The following GRID2 variants were observed in gnomAD, a reference collection of about 807,000 sequenced individuals.
The protein encoded by GRID2 is glutamate ionotropic receptor delta type subunit 2.
In GRID2, 33 loss-of-function variants were observed where a neutral mutation model predicts 114.8. That is an observed-to-expected ratio of 0.29 (90% CI 0.22 to 0.38). The LOEUF (loss-of-function observed/expected upper bound fraction) is 0.38. Ranked by LOEUF, GRID2 falls within the 10% of genes least tolerant of loss-of-function variation. GRID2 has a pLI of 1.00. For missense variants in GRID2, 1,184 were observed against 1,257.7 expected (o/e 0.94, Z 0.89); for synonymous variants, 505 against 449.9 (o/e 1.12, Z -1.55).
chr4:92,482,026 A>ATATG (rs1722636280), intron 1 of GRID2, among the ~76,000 whole-genome samples: 1 of 69,624 alleles, frequency 1.4e-5, no homozygotes, highest in Non-Finnish European at 3.1e-5. Flanking sequence ...ATATATATAT[A>ATATG]TATATATAAA....
intron 2 of GRID2, among the ~76,000 whole-genome samples, chr4:93,030,656 A>T (rs1724329182): frequency 6.6e-6 from 1 of 152,152 alleles, no homozygotes; most frequent in Non-Finnish European, 1.5e-5. Flanking sequence ...AAGTGCGGGG[A>T]TTACAGGTGT....
chr4:93,334,080 C>T (rs1027110869), intron 8 of GRID2, among the ~76,000 whole-genome samples: 1 of 152,164 alleles, frequency 6.6e-6, no homozygotes, highest in Non-Finnish European at 1.5e-5. Flanking sequence ...CATATTGCCA[C>T]ATAATGTCTT....
chr4:93,314,592 T>C (rs143948792), intron 8 of GRID2, among the ~76,000 whole-genome samples: 16 of 152,250 alleles, frequency 1.1e-4, no homozygotes, highest in Middle Eastern at 3.4e-3. Flanking sequence ...CCTTGAAGTT[T>C]ATCTTATTAA....
intron 1 of GRID2, among the ~76,000 whole-genome samples, chr4:92,307,318 A>G (rs1725458086): frequency 6.6e-6 from 1 of 152,024 alleles, no homozygotes; most frequent in Non-Finnish European, 1.5e-5. Flanking sequence ...GAAAGGGAAT[A>G]TTTCACCTCT....
At chr4:93,425,145 C>T (rs1039142984) in intron 10 of GRID2, among the ~76,000 whole-genome samples, 1 of 152,094 alleles carries the variant, frequency 6.6e-6, no homozygotes, top group Non-Finnish European at 1.5e-5. Context: ...AACATCTTAT[C>T]ATCTCAGAAT....
intron 1 of GRID2, among the ~76,000 whole-genome samples, chr4:92,456,161 GAA>G (rs113019215): frequency 2.1e-5 from 3 of 145,202 alleles, no homozygotes; most frequent in Admixed American, 6.9e-5. Context: ...AGCTTTCCCA[GAA>G]AAAAAAAAAT....
chr4:92,971,413 T>C (rs1432270610), intron 2 of GRID2, among the ~76,000 whole-genome samples: 2 of 152,012 alleles, frequency 1.3e-5, no homozygotes, highest in Admixed American at 1.3e-4. Flanking sequence ...TTTTTTTCCT[T>C]TTATTTTTAG....
At chr4:93,555,002 G>A (rs1734168159) in intron 13 of GRID2, among the ~76,000 whole-genome samples, 1 of 152,152 alleles carries the variant, frequency 6.6e-6, no homozygotes. Flanking sequence ...GGAAACACAA[G>A]AGATCGGAGA....
intron 8 of GRID2, among the ~76,000 whole-genome samples, chr4:93,361,057 C>T (rs1579816441): frequency 6.6e-6 from 1 of 151,380 alleles, no homozygotes; most frequent in African/African-American, 2.4e-5. Context: ...ATACTGGCTT[C>T]TTTTTTCTTT....
chr4:93,465,830 A>G (rs1363634814), intron 11 of GRID2, among the ~76,000 whole-genome samples: 3 of 152,248 alleles, frequency 2.0e-5, no homozygotes, highest in South Asian at 4.1e-4. Context: ...ATATGCTAAT[A>G]AACTCACAAT....
chr4:92,507,127 T>C lies in GRID2; in HGVS notation c.89-83004T>C, dbSNP rs557593501. ...ATGTGTTAATTTATTACAATCTGGC[T>C]TCCTTCTATCCCCAGCATTTTGATG... On this transcript the variant is annotated intron_variant, in intron 1 of 15. Coordinates refer to ENST00000282020, the MANE Select transcript of GRID2 (RefSeq NM_001510.4). Among the ~76,000 whole-genome samples, 6 of 152,088 alleles carry C rather than the reference T, an allele frequency of 3.9e-5. No individual in the cohort carries two copies. In the South Asian group the frequency reaches 1.2e-3, roughly 32 times the overall value.
chr4:92,742,755 G>A (rs1736954346), intron 2 of GRID2, among the ~76,000 whole-genome samples: 2 of 152,078 alleles, frequency 1.3e-5, no homozygotes, highest in South Asian at 4.1e-4. Flanking sequence ...CATCCTCACA[G>A]CAACCTTTCT....
chr4:93,304,026 T>G (rs976064482), intron 8 of GRID2, among the ~76,000 whole-genome samples: 1 of 151,826 alleles, frequency 6.6e-6, no homozygotes, highest in African/African-American at 2.4e-5. Flanking sequence ...AACCTCAGAA[T>G]TATTATTAAA....
intron 1 of GRID2, among the ~76,000 whole-genome samples, chr4:92,413,714 C>A (rs1334650184): frequency 6.6e-6 from 1 of 152,026 alleles, no homozygotes; most frequent in Non-Finnish European, 1.5e-5. Context: ...GAAAGGGAAT[C>A]TCAAAAAGAA....
chr4:92,486,076 G>C (rs1260564160), intron 1 of GRID2, among the ~76,000 whole-genome samples: 1 of 151,350 alleles, frequency 6.6e-6, no homozygotes, highest in African/African-American at 2.4e-5. Context: ...TTGTAAACTT[G>C]AATCTCTAAA....
intron 1 of GRID2, among the ~76,000 whole-genome samples, chr4:92,531,179 G>T (rs986987720): frequency 6.6e-6 from 1 of 151,904 alleles, no homozygotes; most frequent in Non-Finnish European, 1.5e-5. Flanking sequence ...CTTAGTTTTC[G>T]GCATAGATAG....
chr4:93,770,874 A>T (rs1734054586), intron 15 of GRID2, among the ~76,000 whole-genome samples: 3 of 152,200 alleles, frequency 2.0e-5, no homozygotes, highest in Admixed American at 2.0e-4. Context: ...CCATAAAATT[A>T]TATGTCTCAA....
At chr4:93,544,458 G>A (rs1472181871) in intron 13 of GRID2, among the ~76,000 whole-genome samples, 1 of 151,872 alleles carries the variant, frequency 6.6e-6, no homozygotes, top group Non-Finnish European at 1.5e-5. Context: ...CTAAAATTTA[G>A]CCATAAATAC....
chr4:93,766,512 G>C (rs1733689942), intron 14 of GRID2, among the ~76,000 whole-genome samples: 1 of 152,190 alleles, frequency 6.6e-6, no homozygotes, highest in Non-Finnish European at 1.5e-5. Flanking sequence ...GGTGAGATTT[G>C]TGTGGGGACA....
Sources: allele counts gnomAD v4.1 joint callset (sites outside exome capture counted in the v4.1 genomes callset), GRCh38; gene constraint gnomAD v4.1.1; transcripts MANE v1.5; gene names NCBI Gene and HGNC (gene_info 2026-07-23, HGNC 2026-07-21).